Variants in MED26 observed in about 807,000 individuals in gnomAD.
MED26 encodes the protein mediator of RNA polymerase II transcription subunit 26.
A neutral mutation model predicts 43.7 loss-of-function variants in MED26; 7 were observed. That is an observed-to-expected ratio of 0.16 (90% CI 0.09 to 0.30). The LOEUF is 0.30. Ranked by LOEUF, MED26 falls within the 10% of genes least tolerant of loss-of-function variation. The probability of loss-of-function intolerance (pLI) is 1.00; values close to 1 mark genes in which losing one functional copy is unlikely to be tolerated. For synonymous variants in MED26, 375 were observed against 371.1 expected (o/e 1.01, Z -0.12); for missense variants, 784 against 840.6 (o/e 0.93, Z 0.83).
intron 1 of MED26, among the ~76,000 whole-genome samples, chr19:16,622,890 C>A (rs115073070): frequency 0.012 from 1,815 of 152,274 alleles, 32 homozygotes; most frequent in African/African-American, 0.041. Flanking sequence ...AGAAGATGCT[C>A]GCAGACCCCA....
Position 16,577,312 on chromosome 19 carries a change from A to C in MED26, c.518T>G (p.Leu173Arg), listed in dbSNP as rs2086014504. 6.2e-7 allele frequency: 1 copy of C among 1,611,674 alleles called. No individual in the cohort carries two copies. The highest frequency in any genetic ancestry group is 2.2e-5 in the East Asian group (1 of 44,808). The stretch of plus-strand genomic sequence containing the variant: ...GGGGAGGGGGGATGAGTTGGGGACC[A>C]GGGGGTCGTGGCTAGCTTTGGAGAC... ...PKVSKASHDP[L>R]VPNSSPLPTN... The change falls in exon 3 of 3, where the codon CTG becomes CGG. Residue 173 changes from leucine to arginine, a missense_variant. Transcript: ENST00000263390. This position sits in a 1 kb window ranked among gnomAD's most constrained non-coding sequence, Gnocchi z 8.1.
rs10409074 is a variant in MED26 at position 16,614,225 on chromosome 19, G to A, written c.72+13647C>T. ...GAAGCCTTCCAGCTAAGGTCCAGAA[G>A]CTGTGCTAAGGGTAGTGTCTGGCCC... On this transcript the variant is annotated intron_variant, in intron 1 of 2. Coordinates refer to ENST00000263390, the MANE Select transcript of MED26 (RefSeq NM_004831.5). Among the ~76,000 whole-genome samples, 304 of 152,268 alleles carry A rather than the reference G, an allele frequency of 2.0e-3. 1 individual carries two copies. The highest frequency in any genetic ancestry group is 6.8e-3 in the African/African-American group (284 of 41,554).
chr19:16,626,813 T>G, intron 1 of MED26, among the ~76,000 whole-genome samples: 1 of 152,178 alleles, frequency 6.6e-6, no homozygotes, highest in East Asian at 1.9e-4. Context: ...CCCTCATACC[T>G]GGATGCTACT....
rs1013284397 is a variant in MED26, at chr19:16,577,860, A to G, written c.148-178T>C. ...TTTCCGGTCCTTTGTGACAATATAA[A>G]TTCTCAAACCTAGTTCCCAGACCTT... On this transcript the variant is annotated intron_variant, in intron 2 of 2. Coordinates refer to ENST00000263390, the MANE Select transcript of MED26 (RefSeq NM_004831.5). This position sits in a 1 kb window ranked among gnomAD's most constrained non-coding sequence, Gnocchi z 8.1. The G allele has an allele frequency of 1.1e-5, 6 of 547,694 alleles. No individual in the cohort carries two copies. The highest frequency in any genetic ancestry group is 1.9e-5 in the Non-Finnish European group (6 of 316,326). The allele number at this position is 547,694 out of a possible 1,614,324, so 33.9% of individuals were successfully genotyped here.
intron 1 of MED26, among the ~76,000 whole-genome samples, chr19:16,594,665 G>A (rs1172532488): frequency 2.0e-5 from 3 of 151,996 alleles, no homozygotes; most frequent in Non-Finnish European, 2.9e-5. Flanking sequence ...GAAAAAACCA[G>A]AACTTTCTTC....
intron 1 of MED26, among the ~76,000 whole-genome samples, chr19:16,604,341 A>T (rs2086162812): frequency 6.6e-6 from 1 of 152,236 alleles, no homozygotes; most frequent in African/African-American, 2.4e-5. Flanking sequence ...CTCCAGAGGG[A>T]TAGAAGAACT....
rs554899992 is a variant in MED26 at position 16,586,653 on chromosome 19, C to T, written c.73-8244G>A. Among the ~76,000 whole-genome samples, 4 of 152,354 alleles carry T rather than the reference C, an allele frequency of 2.6e-5. No homozygotes were observed. The highest frequency in any genetic ancestry group is 7.2e-5 in the African/African-American group (3 of 41,578). On this transcript the variant is annotated intron_variant, in intron 1 of 2. Transcript: ENST00000263390. The surrounding 1 kb of genome is among the most constrained non-coding windows in gnomAD (Gnocchi z 5.1). ...CTTCAGATGGCACTGGAGCCCACTCCCCACCGGGCTGGCCCTGGGAACAGT... is the reference window on the plus strand; with the variant it reads ...CTTCAGATGGCACTGGAGCCCACTCTCCACCGGGCTGGCCCTGGGAACAGT...
intron 1 of MED26, among the ~76,000 whole-genome samples, chr19:16,606,041 G>A (rs1008628231): frequency 1.3e-5 from 2 of 152,166 alleles, no homozygotes; most frequent in African/African-American, 4.8e-5. Flanking sequence ...ATAGAGCATC[G>A]GATCACTACC....
In MED26 at chr19:16,621,481, T is replaced by C. The variant is rs562165982; in HGVS notation, c.72+6391A>G. ...CCCCCTGACGTTTTCCAAGATTCAT[T>C]TTCCTGCAGTGGATGAACCCAGGAA... is the stretch of plus-strand genomic sequence containing the variant. On this transcript the variant is annotated intron_variant, in intron 1 of 2. Transcript: ENST00000263390. Among the ~76,000 whole-genome samples the C allele has an allele frequency of 3.9e-5, 6 of 152,274 alleles. No individual in the cohort carries two copies. The South Asian group carries it at 8.3e-4, about 21-fold the overall frequency.
chr19:16,576,437 T>G lies in MED26; in HGVS notation c.1393A>C (p.Lys465Gln). 1 of 1,614,128 alleles carries G rather than the reference T, an allele frequency of 6.2e-7. No individual in the cohort carries two copies. The highest frequency in any genetic ancestry group is 1.1e-5 in the South Asian group (1 of 91,084). The change falls in exon 3 of 3, where the codon AAG becomes CAG. Residue 465 changes from lysine to glutamine, a missense_variant. Around this residue, in one of 3 missense-constraint regions of MED26, gnomAD observed 719 missense variants for 730.9 expected, o/e 0.98. Transcript: ENST00000263390. The surrounding 1 kb of genome is among the most constrained non-coding windows in gnomAD (Gnocchi z 6.8). Reference sequence around the variant, plus strand: ...TCGAAGGGGCTCTGGAGGCTGGCCTTGGCCTCCTGCTTGTCCAGCTCTGTC... The same window carrying G: ...TCGAAGGGGCTCTGGAGGCTGGCCTGGGCCTCCTGCTTGTCCAGCTCTGTC... ...SRTELDKQEA[K>Q]ASLQSPFEQT...
Position 16,586,279 on chromosome 19 carries a change from G to GT in MED26, c.73-7871dup, listed in dbSNP as rs2086070333. Among the ~76,000 whole-genome samples, 1 of 152,244 alleles carries GT rather than the reference G, an allele frequency of 6.6e-6. No individual in the cohort carries two copies. The highest frequency in any genetic ancestry group is 6.5e-5 in the Admixed American group (1 of 15,292). On this transcript the variant is annotated intron_variant, in intron 1 of 2. Transcript: ENST00000263390. The surrounding 1 kb of genome is among the most constrained non-coding windows in gnomAD (Gnocchi z 5.1). ...CTCACAAGCGCACTCTACAGATAAG[G>GT]TAACTGAGGGCCAGGAAGGTAATGG...
At chr19:16,600,752 CT>C (rs756747667) in intron 1 of MED26, among the ~76,000 whole-genome samples, 3 of 152,168 alleles carry the variant, frequency 2.0e-5, no homozygotes, top group Admixed American at 6.5e-5. Context: ...CTAGGAAGAG[CT>C]GGTTCTTCAC....
chr19:16,578,040 A>G, intron 2 of MED26: 1 of 506,086 alleles, frequency 2.0e-6, no homozygotes, highest in South Asian at 2.5e-5. Context: ...GTCCGCTTCA[A>G]GTGGAGGGTT....
intron 1 of MED26, among the ~76,000 whole-genome samples, chr19:16,608,741 T>G (rs2086185441): frequency 6.6e-6 from 1 of 152,266 alleles, no homozygotes; most frequent in South Asian, 2.1e-4. Flanking sequence ...GCTGCTTTTG[T>G]GCTACAAAGA....
chr19:16,600,779 G>C (rs538893639), intron 1 of MED26, among the ~76,000 whole-genome samples: 1 of 152,172 alleles, frequency 6.6e-6, no homozygotes, highest in Admixed American at 6.5e-5. Flanking sequence ...CAGTGAGGCC[G>C]ATCAGGCACT....
intron 1 of MED26, among the ~76,000 whole-genome samples, chr19:16,594,394 T>C (rs1312375876): frequency 1.3e-5 from 2 of 152,250 alleles, no homozygotes; most frequent in Non-Finnish European, 2.9e-5. Flanking sequence ...TCACCGGTAC[T>C]TCCTGCTGTG....
chr19:16,613,405 C>A (rs2086208677), intron 1 of MED26, among the ~76,000 whole-genome samples: 1 of 152,110 alleles, frequency 6.6e-6, no homozygotes, highest in Non-Finnish European at 1.5e-5. Context: ...ATGTCAGAGG[C>A]CGTGTCTGGC....
At chr19:16,605,771 C>T (rs2086169818) in intron 1 of MED26, among the ~76,000 whole-genome samples, 1 of 152,224 alleles carries the variant, frequency 6.6e-6, no homozygotes, top group Non-Finnish European at 1.5e-5. Context: ...GACTGACAGG[C>T]AGACTCCATG....
At chr19:16,585,706 G>A (rs999269328) in intron 1 of MED26, among the ~76,000 whole-genome samples, 6 of 152,216 alleles carry the variant, frequency 3.9e-5, no homozygotes, top group Admixed American at 2.0e-4. Context: ...CCCCTCCGGA[G>A]TCCGGAAGAC....
Sources: allele counts gnomAD v4.1 joint callset (sites outside exome capture counted in the v4.1 genomes callset), GRCh38; gene constraint gnomAD v4.1.1; regional missense constraint gnomAD v4.1.1; non-coding constraint Gnocchi (gnomAD v3.1); transcripts MANE v1.5; gene names NCBI Gene and HGNC (gene_info 2026-07-23, HGNC 2026-07-21).